ZSCAN5A: variants seen among roughly 807,000 people sequenced by gnomAD.
ZSCAN5A encodes the protein zinc finger and SCAN domain containing 5A, also known as zinc finger and SCAN domain-containing protein 5A.
A neutral mutation model predicts 23.7 loss-of-function variants in ZSCAN5A; 12 were observed. The ratio of observed to expected loss-of-function variants is 0.51; its 90% CI spans 0.32 to 0.82. The LOEUF is 0.82. Among genes scored for constraint, ZSCAN5A ranks in the 40% least tolerant of loss-of-function variants. ZSCAN5A has a pLI of 0.03. For synonymous variants in ZSCAN5A, 257 were observed against 239.9 expected, an observed-to-expected ratio of 1.07 and a Z score of -0.66; for missense variants, 597 against 617.9, an observed-to-expected ratio of 0.97 and a Z score of 0.36.
chr19:56,251,014 G>A (rs1208046633), intron 2 of ZSCAN5A, among the ~76,000 whole-genome samples: 3 of 152,106 alleles, frequency 2.0e-5, no homozygotes, highest in Admixed American at 6.5e-5. Context: ...GTCAGGTGTG[G>A]TGGCATGCAC....
rs371706721 is a variant in ZSCAN5A at position 56,222,284 on chromosome 19, A to C, written c.782T>G (p.Ile261Arg). Residue 261 changes from isoleucine (I) to arginine (R), a missense_variant, in exon 6 of 6, where the codon ATA (isoleucine) becomes AGA (arginine). Physicochemically the swap from Ile to Arg is moderately conservative, Grantham distance 97 (BLOSUM62 -3). Coordinates refer to ENST00000683990, the MANE Select transcript of ZSCAN5A (RefSeq NM_001322064.3). ...RAKEGKDPPK[I>R]ASVENVDADT... The stretch of plus-strand genomic sequence containing the variant: ...AGCATCCACATTTTCCACAGAGGCT[A>C]TTTTTGGGGGGTCCTTCCCCTCCTT... The C allele has an allele frequency of 2.7e-5, 43 of 1,613,250 alleles. No individual in the cohort carries two copies. The African/African-American group carries it at 2.9e-4, about 11-fold the overall frequency.
At chr19:56,242,907 T>A (rs1224124314) in intron 2 of ZSCAN5A, among the ~76,000 whole-genome samples, 1 of 152,152 alleles carries the variant, frequency 6.6e-6, no homozygotes, top group Non-Finnish European at 1.5e-5. Context: ...GACTGCCAAG[T>A]AGCTAGGATT....
intron 2 of ZSCAN5A, among the ~76,000 whole-genome samples, chr19:56,304,126 C>T (rs1028210460): frequency 5.3e-5 from 8 of 151,994 alleles, no homozygotes; most frequent in African/African-American, 1.9e-4. Context: ...GGAATCAGGG[C>T]GAGAGTGGGA....
intron 2 of ZSCAN5A, among the ~76,000 whole-genome samples, chr19:56,303,469 A>G (rs1220101287): frequency 6.6e-6 from 1 of 151,800 alleles, no homozygotes; most frequent in African/African-American, 2.4e-5. Flanking sequence ...CTCTGTCTCA[A>G]AAAATTAAAG....
At chr19:56,249,885 A>C (rs1396723315) in intron 2 of ZSCAN5A, among the ~76,000 whole-genome samples, 1 of 152,170 alleles carries the variant, frequency 6.6e-6, no homozygotes, top group Non-Finnish European at 1.5e-5. Context: ...CTGCATTTTC[A>C]GTGATGCTGA....
intron 2 of ZSCAN5A, among the ~76,000 whole-genome samples, chr19:56,275,489 G>C (rs527594518): frequency 2.7e-4 from 41 of 152,142 alleles, no homozygotes; most frequent in Admixed American, 4.6e-4. Flanking sequence ...CCAGCACTTC[G>C]GGAGGCCAAC....
At chr19:56,330,254 T>C (rs2041477433) in intron 2 of ZSCAN5A, among the ~76,000 whole-genome samples, 1 of 152,226 alleles carries the variant, frequency 6.6e-6, no homozygotes, top group African/African-American at 2.4e-5. Flanking sequence ...GCTATGTTGA[T>C]TTCACATCTT....
chr19:56,238,993 A>G (rs1051124064), intron 2 of ZSCAN5A, among the ~76,000 whole-genome samples: 8 of 152,244 alleles, frequency 5.3e-5, no homozygotes, highest in Non-Finnish European at 2.9e-5. Context: ...CTTAACAAGG[A>G]AAAATATCAC....
At chr19:56,345,810 C>G (rs1306232811) in intron 2 of ZSCAN5A, among the ~76,000 whole-genome samples, 1 of 152,140 alleles carries the variant, frequency 6.6e-6, no homozygotes, top group African/African-American at 2.4e-5. Context: ...TAAACAATGA[C>G]ATTTCTAACT....
At chr19:56,297,908 T>C (rs2039981259) in intron 2 of ZSCAN5A, 1 of 152,060 alleles carries the variant, frequency 6.6e-6, no homozygotes, top group Non-Finnish European at 1.5e-5. Context: ...ATGGTGGAGA[T>C]GAGCGTTTTA....
chr19:56,329,701 G>A (rs1478578423), intron 2 of ZSCAN5A, among the ~76,000 whole-genome samples: 1 of 151,832 alleles, frequency 6.6e-6, no homozygotes, highest in Non-Finnish European at 1.5e-5. Flanking sequence ...TAAAAAAAAA[G>A]TTTTTCATGA....
At chr19:56,232,188 C>T (rs1411380353) in intron 2 of ZSCAN5A, among the ~76,000 whole-genome samples, 1 of 151,898 alleles carries the variant, frequency 6.6e-6, no homozygotes, top group Admixed American at 6.6e-5. Context: ...ATTGCCTAGG[C>T]TGATCTTGAA....
In ZSCAN5A at chr19:56,302,106, G is replaced by T. The variant is rs1054730144; in HGVS notation, c.-128+11177C>A. On this transcript the variant is annotated intron_variant, in intron 2 of 5. Coordinates refer to ENST00000683990, the MANE Select transcript of ZSCAN5A (RefSeq NM_001322064.3). ...AACAAAGGGGACTGGGTAAGAAGAAGGCAGCACGGAGGGGAGGAGTGTGAG... is the reference window on the plus strand; with the variant it reads ...AACAAAGGGGACTGGGTAAGAAGAATGCAGCACGGAGGGGAGGAGTGTGAG... 18 of 1,231,718 alleles carry T rather than the reference G, an allele frequency of 1.5e-5. No individual in the cohort carries two copies. In the African/African-American group the frequency reaches 2.6e-4, roughly 18 times the overall value. 76.3% of individuals were successfully genotyped at this position (1,231,718 alleles called of 1,614,324 possible).
In ZSCAN5A at chr19:56,301,693, T is replaced by C. The variant is rs1184257353; in HGVS notation, c.-128+11590A>G. ...CTCTGGTTCAAACCCCTCTGACAGT[T>C]TGGTGAGAAATCTGGGCAAGACAGG... On this transcript the variant is annotated intron_variant, in intron 2 of 5. Coordinates refer to ENST00000683990, the MANE Select transcript of ZSCAN5A (RefSeq NM_001322064.3). 3.3e-5 allele frequency among the ~76,000 whole-genome samples: 5 copies of C among 152,156 alleles called. No individual in the cohort carries two copies. The East Asian group carries it at 5.8e-4, about 18-fold the overall frequency.
chr19:56,301,413 AGCCTGCTAAT>A (rs941979294), intron 2 of ZSCAN5A, among the ~76,000 whole-genome samples: 3 of 152,132 alleles, frequency 2.0e-5, no homozygotes, highest in African/African-American at 7.2e-5. Context: ...CGTGTCTCTT[AGCCTGCTAAT>A]GCATTATAAT....
At chr19:56,366,422 CA>C (rs34420866) in intron 1 of ZSCAN5A, among the ~76,000 whole-genome samples, 4,603 of 83,118 alleles carry the variant, frequency 0.055, 63 homozygotes, top group South Asian at 0.11. Context: ...GACTCTGTCT[CA>C]AAAAAAAAAA....
At chr19:56,284,297 T>C (rs569461650) in intron 2 of ZSCAN5A, 42 of 380,186 alleles carry the variant, frequency 1.1e-4, no homozygotes, top group East Asian at 3.2e-4. Flanking sequence ...CTGGGTTAGA[T>C]TGTGTGTATT....
chr19:56,336,483 G>A (rs141012993), intron 2 of ZSCAN5A, among the ~76,000 whole-genome samples: 66 of 152,162 alleles, frequency 4.3e-4, no homozygotes, highest in South Asian at 2.9e-3. Context: ...ATAGCCATTC[G>A]TCTAATTTTT....
intron 2 of ZSCAN5A, among the ~76,000 whole-genome samples, chr19:56,326,698 C>G (rs1013320647): frequency 1.3e-5 from 2 of 152,072 alleles, no homozygotes. Context: ...CGTAAATGTG[C>G]GGCATCTCTC....
Sources: gnomAD v4.1 joint callset for allele counts (sites outside exome capture counted in the v4.1 genomes callset) on GRCh38, gnomAD v4.1.1 for gene constraint, MANE v1.5 for transcripts, NCBI Gene and HGNC (gene_info 2026-07-23, HGNC 2026-07-21) for gene names.